The following CUX1 variants were observed in gnomAD, a reference collection of about 807,000 sequenced individuals.
The protein encoded by CUX1 is protein CASP.
CUX1 carries 31 observed loss-of-function variants against 158.8 expected under a neutral mutation model. That is an observed-to-expected ratio of 0.20 (90% confidence interval 0.15 to 0.26). The LOEUF (loss-of-function observed/expected upper bound fraction) is 0.26, where lower values mean the gene tolerates loss of function less well. Among genes scored for constraint, CUX1 ranks in the 10% least tolerant of loss-of-function variants. The probability of loss-of-function intolerance (pLI) is 1.00; values close to 1 mark genes in which losing one functional copy is unlikely to be tolerated. For missense variants in CUX1, 1,589 were observed against 2,014.6 expected (o/e 0.79, Z 4.04); for synonymous variants, 879 against 862.1 (o/e 1.02, Z -0.34).
At chr7:102,112,752 G>C (rs552108735) in intron 7 of CUX1, among the ~76,000 whole-genome samples, 1 of 152,046 alleles carries the variant, frequency 6.6e-6, no homozygotes, top group African/African-American at 2.4e-5. Context: ...TGTGTTTTTA[G>C]TAGAGATGAG....
intron 5 of CUX1, among the ~76,000 whole-genome samples, chr7:102,101,186 A>G (rs971261588): frequency 1.3e-5 from 2 of 152,242 alleles, no homozygotes; most frequent in Non-Finnish European, 2.9e-5. Context: ...GGAGGAGACA[A>G]ACATCTAAAC....
intron 2 of CUX1, among the ~76,000 whole-genome samples, chr7:101,924,907 G>A (rs1290612000): frequency 4.6e-5 from 7 of 152,008 alleles, no homozygotes; most frequent in Non-Finnish European, 4.4e-5. Context: ...ACAGCATCCA[G>A]GCATCATCGG....
At chr7:102,177,495 A>G (rs1792517270) in intron 10 of CUX1, among the ~76,000 whole-genome samples, 1 of 152,100 alleles carries the variant, frequency 6.6e-6, no homozygotes, top group South Asian at 2.1e-4. Context: ...GCTTCCGGGT[A>G]ATTTAACAGT....
At chr7:101,965,431 C>A (rs974171898) in intron 2 of CUX1, among the ~76,000 whole-genome samples, 1 of 152,114 alleles carries the variant, frequency 6.6e-6, no homozygotes, top group African/African-American at 2.4e-5. Context: ...ATCCTTGGTT[C>A]CCAGTCAGGG....
intron 6 of CUX1, among the ~76,000 whole-genome samples, chr7:102,110,497 C>T (rs1336073724): frequency 2.0e-5 from 3 of 152,076 alleles, no homozygotes; most frequent in African/African-American, 4.8e-5. Context: ...GTTACGCATT[C>T]GTTCATATTA....
rs1554491391 is a variant in CUX1 at position 102,115,194 on chromosome 7, C to A, written c.608-13C>A. The A allele has an allele frequency of 1.9e-6, 3 of 1,606,770 alleles. No individual in the cohort carries two copies. The highest frequency in any genetic ancestry group is 1.1e-5 in the South Asian group (1 of 89,838). ...AATTTCATTTAAATAGTTAGTAATT[C>A]TTTGCCTTTCAGCCCTGGAAAAAAC... On this transcript the variant is annotated splice_polypyrimidine_tract_variant and intron_variant, in intron 7 of 23. Coordinates refer to ENST00000292535, the MANE Select transcript of CUX1 (RefSeq NM_181552.4).
At chr7:102,125,318 G>A (rs1161361130) in intron 8 of CUX1, among the ~76,000 whole-genome samples, 1 of 152,150 alleles carries the variant, frequency 6.6e-6, no homozygotes, top group African/African-American at 2.4e-5. Context: ...TGGCTCCTAA[G>A]CAGAAAGCAG....
At chr7:101,848,600 C>A (rs1416450463) in intron 1 of CUX1, among the ~76,000 whole-genome samples, 1 of 152,088 alleles carries the variant, frequency 6.6e-6, no homozygotes, top group Non-Finnish European at 1.5e-5. Flanking sequence ...TCCATGGGGG[C>A]CAAATTTAGT....
intron 2 of CUX1, among the ~76,000 whole-genome samples, chr7:101,955,454 C>T (rs1809646822): frequency 6.6e-6 from 1 of 152,154 alleles, no homozygotes; most frequent in East Asian, 1.9e-4. Context: ...GGAACTGAGC[C>T]CAAGCCATTC....
chr7:101,953,420 G>A lies in CUX1; in HGVS notation c.141+37195G>A, dbSNP rs555490807. On this transcript the variant is annotated intron_variant, in intron 2 of 23. Coordinates refer to ENST00000292535, the MANE Select transcript of CUX1 (RefSeq NM_181552.4). ...AACACTTCCCTATGTGTTGTTGTTC[G>A]GCCTTCTCGTTGATGAAATTACACG... is the stretch of plus-strand genomic sequence containing the variant. Among the ~76,000 whole-genome samples the A allele has an allele frequency of 5.6e-4, 86 of 152,216 alleles. 1 individual carries two copies. Among genetic ancestry groups the A allele is most frequent in the Admixed American group, 2.0e-3 (31 of 15,278 alleles).
rs1445027775 is a variant in CUX1, at chr7:102,216,639, ACG to A, written c.3131-10726_3131-10725del. Among the ~76,000 whole-genome samples the A allele has an allele frequency of 2.7e-3, 260 of 94,566 alleles. 4 individuals carry two copies. Among genetic ancestry groups the A allele is most frequent in the African/African-American group, 0.01 (239 of 23,840 alleles). The allele number at this position is 94,566 out of a possible 152,430, so 62.0% of individuals were successfully genotyped here. On this transcript the variant is annotated intron_variant, in intron 20 of 23. Coordinates refer to ENST00000292535, the MANE Select transcript of CUX1 (RefSeq NM_181552.4). ...ACTCCCCACACACACACCCCCACAC[ACG>A]CACACACACACACTCTCCCACACAC...
Position 102,250,549 on chromosome 7 carries a change from C to G in CUX1, c.*1507C>G, listed in dbSNP as rs1165110282. On this transcript the variant is annotated 3_prime_UTR_variant, in exon 24 of 24. Coordinates refer to ENST00000292535, the MANE Select transcript of CUX1 (RefSeq NM_181552.4). The stretch of plus-strand genomic sequence containing the variant: ...CTTCCTTTCTCTGCAGGAGAGAGAA[C>G]GTGGCATTCTGGGCTCCCCACTCCC... 11 of 985,322 alleles carry G rather than the reference C, an allele frequency of 1.1e-5. No homozygotes were observed. The highest frequency in any genetic ancestry group is 4.7e-5 in the South Asian group (1 of 21,294). 61.0% of individuals were successfully genotyped at this position (985,322 alleles called of 1,614,324 possible). A position where few individuals can be genotyped will look rare whatever the true frequency, so the allele number is the denominator to read the frequency against.
chr7:102,181,219 T>C (rs1384743002), intron 11 of CUX1, among the ~76,000 whole-genome samples: 2 of 152,148 alleles, frequency 1.3e-5, no homozygotes, highest in Admixed American at 6.6e-5. Flanking sequence ...GAATTGCAGG[T>C]GTGAGCCACC....
intron 3 of CUX1, among the ~76,000 whole-genome samples, chr7:102,041,011 G>A (rs996879809): frequency 2.0e-5 from 3 of 152,090 alleles, no homozygotes; most frequent in African/African-American, 7.2e-5. Context: ...TGAGCTGGCT[G>A]GGCACAGTGG....
At chr7:102,011,819 A>C (rs1015853252) in intron 2 of CUX1, among the ~76,000 whole-genome samples, 7 of 151,902 alleles carry the variant, frequency 4.6e-5, no homozygotes, top group Admixed American at 1.3e-4. Flanking sequence ...TTACTTAGAC[A>C]CTTGAATTTA....
intron 4 of CUX1, among the ~76,000 whole-genome samples, chr7:102,082,655 C>A (rs1827555758): frequency 6.8e-6 from 1 of 147,544 alleles, no homozygotes; most frequent in African/African-American, 2.4e-5. Flanking sequence ...CAGTACCCAG[C>A]AACTGCTGTT....
In CUX1 at chr7:101,920,142, T is replaced by A. The variant is rs535547257; in HGVS notation, c.141+3917T>A. Among the ~76,000 whole-genome samples, 7 of 150,392 alleles carry A rather than the reference T, an allele frequency of 4.7e-5. No individual in the cohort carries two copies. In the East Asian group the frequency reaches 1.4e-3, roughly 29 times the overall value. Reference sequence around the variant, plus strand: ...TTTTTATGTGTTTTTTTTTTTTTCTTCAAGTGTCTTGCTCTGTTGCCCAGG... The same window carrying A: ...TTTTTATGTGTTTTTTTTTTTTTCTACAAGTGTCTTGCTCTGTTGCCCAGG... On this transcript the variant is annotated intron_variant, in intron 2 of 23. Coordinates refer to ENST00000292535, the MANE Select transcript of CUX1 (RefSeq NM_181552.4).
intron 2 of CUX1, among the ~76,000 whole-genome samples, chr7:102,019,756 C>T (rs1465261086): frequency 6.6e-6 from 1 of 152,182 alleles, no homozygotes; most frequent in Non-Finnish European, 1.5e-5. Flanking sequence ...TCTGCCAGGA[C>T]ACGGAACGTG....
rs1479898706 is a variant in CUX1 at position 102,081,430 on chromosome 7, TAGTG to T, written c.268+11021_268+11024del. On this transcript the variant is annotated intron_variant, in intron 4 of 23. Transcript: ENST00000292535. ...AGTTTCCCCGTGGCTGTTTTCATGA[TAGTG>T]AGTGAGTTCTCACGAGATCCGATGG... Among the ~76,000 whole-genome samples, 10 of 146,400 alleles carry T rather than the reference TAGTG, an allele frequency of 6.8e-5. 1 individual carries two copies. Among genetic ancestry groups the T allele is most frequent in the African/African-American group, 2.2e-4 (9 of 41,000 alleles).
Sources: allele counts gnomAD v4.1 joint callset (sites outside exome capture counted in the v4.1 genomes callset), GRCh38; gene constraint gnomAD v4.1.1; transcripts MANE v1.5; gene names NCBI Gene and HGNC (gene_info 2026-07-23, HGNC 2026-07-21).